Variants in FGGY observed in about 807,000 individuals in gnomAD.
The protein encoded by FGGY is FGGY carbohydrate kinase domain containing.
In FGGY, 72 loss-of-function variants were observed where a neutral mutation model predicts 71.3. The ratio of observed to expected loss-of-function variants is 1.01; its 90% confidence interval spans 0.84 to 1.23. The LOEUF (loss-of-function observed/expected upper bound fraction) is 1.23. Ranked by LOEUF, FGGY falls within the 50% of genes most tolerant of loss-of-function variation. The probability of loss-of-function intolerance (pLI) is 0.00; values close to 1 mark genes in which losing one functional copy is unlikely to be tolerated. For synonymous variants in FGGY, 251 were observed against 250.3 expected, an observed-to-expected ratio of 1.00 and a Z score of -0.02; for missense variants, 668 against 682.3, an observed-to-expected ratio of 0.98 and a Z score of 0.23.
At chr1:59,555,216 G>A (rs991116996) in intron 8 of FGGY, among the ~76,000 whole-genome samples, 1 of 152,178 alleles carries the variant, frequency 6.6e-6, no homozygotes, top group African/African-American at 2.4e-5. Flanking sequence ...TATAATGTGA[G>A]GCCCCCCAAT....
intron 14 of FGGY, among the ~76,000 whole-genome samples, chr1:59,720,476 C>T (rs1035907121): frequency 6.6e-6 from 1 of 152,144 alleles, no homozygotes; most frequent in Non-Finnish European, 1.5e-5. Context: ...GAGGAAAATC[C>T]ACTTTTCTTT....
intron 5 of FGGY, among the ~76,000 whole-genome samples, chr1:59,448,731 T>C (rs1315807348): frequency 6.6e-6 from 1 of 152,190 alleles, no homozygotes; most frequent in Non-Finnish European, 1.5e-5. Context: ...AAGGCAGATA[T>C]GGACCCTGCT....
chr1:59,663,044 G>C (rs1572843297), intron 12 of FGGY, among the ~76,000 whole-genome samples: 2 of 152,320 alleles, frequency 1.3e-5, no homozygotes, highest in East Asian at 1.9e-4. Flanking sequence ...GAAGGATGAG[G>C]CAAACAGGAG....
chr1:59,469,864 C>T (rs2092848804), intron 6 of FGGY, among the ~76,000 whole-genome samples: 4 of 152,128 alleles, frequency 2.6e-5, no homozygotes, highest in Admixed American at 1.3e-4. Flanking sequence ...GTTTTCTGTT[C>T]CTGTGTTAGT....
At chr1:59,420,276 G>A (rs943209247) in intron 5 of FGGY, among the ~76,000 whole-genome samples, 2 of 152,180 alleles carry the variant, frequency 1.3e-5, no homozygotes, top group African/African-American at 4.8e-5. Context: ...TGGGTGGCTG[G>A]ATCAATGTCC....
rs530839050 is a variant in FGGY at position 59,311,883 on chromosome 1, C to T, written c.-14-9653C>T. 3.0e-4 allele frequency among the ~76,000 whole-genome samples: 45 copies of T among 152,336 alleles called. No homozygotes were observed. The South Asian group carries it at 5.4e-3, about 18-fold the overall frequency. Reference sequence around the variant, plus strand: ...TTCCCACTAACAGTGTAAAAGCATTCCTGTTTCTACATAGCCTTGCCAGCA... The same window carrying T: ...TTCCCACTAACAGTGTAAAAGCATTTCTGTTTCTACATAGCCTTGCCAGCA... On this transcript the variant is annotated intron_variant, in intron 1 of 15. Transcript: ENST00000303721.
chr1:59,708,971 A>G (rs1164530449), intron 14 of FGGY, among the ~76,000 whole-genome samples: 2 of 152,258 alleles, frequency 1.3e-5, no homozygotes, highest in Non-Finnish European at 2.9e-5. Context: ...AGAATTTTGG[A>G]TAAGGGCTCA....
intron 14 of FGGY, among the ~76,000 whole-genome samples, chr1:59,744,467 C>T (rs755676735): frequency 3.3e-5 from 5 of 152,182 alleles, no homozygotes; most frequent in Admixed American, 1.3e-4. Flanking sequence ...ATGATCCACC[C>T]GCCTCAGCCT....
chr1:59,373,455 C>G (rs1300241355), intron 4 of FGGY, among the ~76,000 whole-genome samples: 1 of 152,084 alleles, frequency 6.6e-6, no homozygotes, highest in Admixed American at 6.6e-5. Flanking sequence ...TAGGAAGAAT[C>G]AATATCGTGA....
intron 5 of FGGY, among the ~76,000 whole-genome samples, chr1:59,427,064 A>G (rs1027510617): frequency 1.3e-5 from 2 of 152,072 alleles, no homozygotes; most frequent in African/African-American, 4.8e-5. Context: ...TACCTCACCC[A>G]CCTCTTGCTA....
At chr1:59,341,826 A>G (rs1422954902) in intron 3 of FGGY, among the ~76,000 whole-genome samples, 1 of 152,214 alleles carries the variant, frequency 6.6e-6, no homozygotes, top group Admixed American at 6.5e-5. Flanking sequence ...TATGGGCTTT[A>G]TTTAAGTAAA....
intron 7 of FGGY, among the ~76,000 whole-genome samples, chr1:59,528,558 A>G (rs2095055651): frequency 6.6e-6 from 1 of 152,244 alleles, no homozygotes. Flanking sequence ...GCTCAGCTCT[A>G]GGGAAAGCTA....
chr1:59,298,959 G>C (rs1372983776), intron 1 of FGGY, among the ~76,000 whole-genome samples: 1 of 152,232 alleles, frequency 6.6e-6, no homozygotes. Context: ...GTGCAGATGA[G>C]TAAGACTTGG....
intron 6 of FGGY, among the ~76,000 whole-genome samples, chr1:59,503,572 G>A (rs56033259): frequency 0.06 from 8,388 of 138,920 alleles, 312 homozygotes; most frequent in East Asian, 0.12. Context: ...CTAGGTATAC[G>A]CATTGGCTTT....
chr1:59,709,255 C>G (rs1295465938), intron 14 of FGGY, among the ~76,000 whole-genome samples: 1 of 152,190 alleles, frequency 6.6e-6, no homozygotes, highest in Non-Finnish European at 1.5e-5. Context: ...GAAGCAGGCA[C>G]ATTCTTCACA....
intron 6 of FGGY, among the ~76,000 whole-genome samples, chr1:59,480,058 A>G (rs2093414348): frequency 6.6e-6 from 1 of 152,108 alleles, no homozygotes; most frequent in Non-Finnish European, 1.5e-5. Context: ...TGTTCCCATA[A>G]TCTCGCAACT....
intron 8 of FGGY, among the ~76,000 whole-genome samples, chr1:59,601,200 A>T (rs2096574457): frequency 1.3e-5 from 2 of 152,254 alleles, no homozygotes; most frequent in Middle Eastern, 3.4e-3. Context: ...TCCCAGGACG[A>T]CTGGCGCCTG....
intron 2 of FGGY, among the ~76,000 whole-genome samples, chr1:59,331,675 T>C (rs1430843751): frequency 6.6e-6 from 1 of 152,172 alleles, no homozygotes; most frequent in Admixed American, 6.5e-5. Flanking sequence ...CTATCCCTAC[T>C]AAAATGTAAT....
At chr1:59,473,698 C>G (rs897516278) in intron 6 of FGGY, among the ~76,000 whole-genome samples, 5 of 152,120 alleles carry the variant, frequency 3.3e-5, no homozygotes, top group Admixed American at 6.5e-5. Flanking sequence ...TCTAACTTTC[C>G]TCAAAGATGG....
Sources: allele counts gnomAD v4.1 joint callset (sites outside exome capture counted in the v4.1 genomes callset), GRCh38; gene constraint gnomAD v4.1.1; transcripts MANE v1.5; gene names NCBI Gene and HGNC (gene_info 2026-07-23, HGNC 2026-07-21).